PRKCZ: variants seen among roughly 807,000 people sequenced by gnomAD.
The protein encoded by PRKCZ is protein kinase C zeta type.
In PRKCZ, 33 loss-of-function variants were observed where a neutral mutation model predicts 79.5. The observed-to-expected ratio is 0.41, with a 90% CI of 0.31 to 0.55. PRKCZ has a LOEUF of 0.55. PRKCZ is among the 20% of genes least tolerant of loss of function. PRKCZ has a pLI of 0.19. For synonymous variants in PRKCZ, 342 were observed against 320.9 expected, an observed-to-expected ratio of 1.07 and a Z score of -0.70; for missense variants, 578 against 813.5, an observed-to-expected ratio of 0.71 and a Z score of 3.52.
At chr1:2,070,332 G>A (rs973282150) in intron 4 of PRKCZ, among the ~76,000 whole-genome samples, 3 of 152,172 alleles carry the variant, frequency 2.0e-5, no homozygotes, top group Non-Finnish European at 2.9e-5. Flanking sequence ...GGTGGTCCCG[G>A]TAGTGGCTTC....
At chr1:2,155,356 CGGTGATGAT>C (rs1431571013) in intron 9 of PRKCZ, among the ~76,000 whole-genome samples, 2 of 145,522 alleles carry the variant, frequency 1.4e-5, no homozygotes, top group African/African-American at 2.6e-5. Flanking sequence ...GTGGTGATGA[CGGTGATGAT>C]GGTGATGACA....
At chr1:2,078,026 T>C (rs914249400) in intron 4 of PRKCZ, among the ~76,000 whole-genome samples, 8 of 152,264 alleles carry the variant, frequency 5.3e-5, no homozygotes, top group Admixed American at 2.6e-4. Flanking sequence ...AGATGTCTTG[T>C]CTCAAATTTA....
intron 4 of PRKCZ, among the ~76,000 whole-genome samples, chr1:2,097,431 CAG>C (rs1666716013): frequency 6.6e-6 from 1 of 152,182 alleles, no homozygotes; most frequent in South Asian, 2.1e-4. Flanking sequence ...CTCTCAGAAG[CAG>C]GGGTCACTGG....
intron 4 of PRKCZ, among the ~76,000 whole-genome samples, chr1:2,087,856 C>T (rs1049270402): frequency 1.7e-4 from 26 of 152,168 alleles, no homozygotes; most frequent in Non-Finnish European, 3.7e-4. Context: ...CTGGCCTGTC[C>T]GGGCACCGGG....
In PRKCZ at chr1:2,082,989, G is replaced by C. The variant is rs1663847074; in HGVS notation, c.334+23398G>C. Among the ~76,000 whole-genome samples, 1 of 152,088 alleles carries C rather than the reference G, an allele frequency of 6.6e-6. No homozygotes were observed. The highest frequency in any genetic ancestry group is 1.5e-5 in the Non-Finnish European group (1 of 67,994). On this transcript the variant is annotated intron_variant, in intron 4 of 17. Coordinates refer to ENST00000378567, the MANE Select transcript of PRKCZ (RefSeq NM_002744.6). This position sits in a 1 kb window ranked among gnomAD's most constrained non-coding sequence, Gnocchi z 4.4. ...GTGAAGGACAGGTGTCCACACCTTG[G>C]GTGCCCCCGTCCTCCCTCTCCTCAT... is the stretch of plus-strand genomic sequence containing the variant.
chr1:2,070,130 C>T (rs990785418), intron 4 of PRKCZ, among the ~76,000 whole-genome samples: 8 of 152,138 alleles, frequency 5.3e-5, no homozygotes, highest in East Asian at 1.9e-4. Context: ...GTGGTGTCCT[C>T]GGGGTCATCA....
intron 4 of PRKCZ, among the ~76,000 whole-genome samples, chr1:2,092,716 ATT>A (rs1307362943): frequency 2.6e-5 from 4 of 152,208 alleles, no homozygotes; most frequent in Non-Finnish European, 5.9e-5. Flanking sequence ...AAATTTAATT[ATT>A]TTTAAGCATT....
At chr1:2,179,064 C>T (rs1344954108) in intron 16 of PRKCZ, among the ~76,000 whole-genome samples, 1 of 152,214 alleles carries the variant, frequency 6.6e-6, no homozygotes, top group African/African-American at 2.4e-5. Context: ...CTGCACACTG[C>T]CCTGGAGAAG....
At chr1:2,152,534 A>G (rs1680101555) in intron 9 of PRKCZ, among the ~76,000 whole-genome samples, 3 of 152,206 alleles carry the variant, frequency 2.0e-5, no homozygotes, top group Admixed American at 2.0e-4. Context: ...TCTGTCTTTA[A>G]AAAATAATAA....
chr1:2,111,641 T>G (rs6603813), intron 4 of PRKCZ: 39,470 of 152,132 alleles, frequency 0.26, 5,310 homozygotes, highest in Admixed American at 0.34. Flanking sequence ...TGGGCTGGTC[T>G]GGATGAGGAA....
intron 4 of PRKCZ, among the ~76,000 whole-genome samples, chr1:2,119,896 C>T (rs1171853706): frequency 6.6e-6 from 1 of 150,778 alleles, no homozygotes; most frequent in Non-Finnish European, 1.5e-5. Context: ...AAGCGATTCT[C>T]CTGGCTCAGC....
intron 4 of PRKCZ, among the ~76,000 whole-genome samples, chr1:2,130,847 A>AG (rs1477281074): frequency 1.3e-5 from 2 of 152,160 alleles, no homozygotes; most frequent in East Asian, 1.9e-4. Flanking sequence ...GGACACATAC[A>AG]GTGAACCATT....
intron 8 of PRKCZ, 66 bp from the exon 9 acceptor site, chr1:2,150,724 G>T: frequency 6.7e-7 from 1 of 1,487,118 alleles, no homozygotes; most frequent in African/African-American, 1.4e-5. Context: ...CATGAGTGAT[G>T]CGTGGTCCTC....
intron 4 of PRKCZ, among the ~76,000 whole-genome samples, chr1:2,083,377 G>C (rs1663932489): frequency 6.6e-6 from 1 of 152,024 alleles, no homozygotes; most frequent in Non-Finnish European, 1.5e-5. Flanking sequence ...AGAGCTTTTG[G>C]GTACGTGGGC....
intron 4 of PRKCZ, among the ~76,000 whole-genome samples, chr1:2,114,930 C>T (rs1670452398): frequency 1.3e-5 from 2 of 152,206 alleles, no homozygotes; most frequent in Admixed American, 6.5e-5. Context: ...TGAAACAAAA[C>T]TCCCTAAAAC....
chr1:2,069,142 G>A (rs1172754283), intron 4 of PRKCZ, among the ~76,000 whole-genome samples: 1 of 152,166 alleles, frequency 6.6e-6, no homozygotes, highest in Non-Finnish European at 1.5e-5. Flanking sequence ...CCCAACCAAT[G>A]CGACCCCCGG....
intron 4 of PRKCZ, among the ~76,000 whole-genome samples, chr1:2,117,487 G>T (rs1030046244): frequency 6.6e-6 from 1 of 151,872 alleles, no homozygotes; most frequent in Non-Finnish European, 1.5e-5. Flanking sequence ...CTCTCTGTGC[G>T]CTGCCATTTT....
rs567190086 is a variant in PRKCZ at position 2,094,187 on chromosome 1, C to T, written c.334+34596C>T. ...TCCCCCGTCCCGGGAGCAGCCCCCC[C>T]ACTTCCACCTGTCTTGGACGGGAGC... On this transcript the variant is annotated intron_variant, in intron 4 of 17. Transcript: ENST00000378567. This position sits in a 1 kb window ranked among gnomAD's most constrained non-coding sequence, Gnocchi z 7.3. Among the ~76,000 whole-genome samples, 1 of 152,144 alleles carries T rather than the reference C, an allele frequency of 6.6e-6. No individual in the cohort carries two copies. Among genetic ancestry groups the T allele is most frequent in the South Asian group, 2.1e-4 (1 of 4,836 alleles).
chr1:2,077,643 C>T (rs1267959152), intron 4 of PRKCZ, among the ~76,000 whole-genome samples: 1 of 152,200 alleles, frequency 6.6e-6, no homozygotes, highest in Non-Finnish European at 1.5e-5. Context: ...TTCTGTGGGA[C>T]TCACAAAGAG....
Sources: gnomAD v4.1 joint callset for allele counts (sites outside exome capture counted in the v4.1 genomes callset) on GRCh38, gnomAD v4.1.1 for gene constraint, Gnocchi (gnomAD v3.1) non-coding constraint, MANE v1.5 for transcripts, NCBI Gene and HGNC (gene_info 2026-07-23, HGNC 2026-07-21) for gene names.